Variants in RCOR1 observed in about 807,000 individuals in gnomAD.
RCOR1 encodes REST corepressor 1, also known as REST corepressor.
In RCOR1, 12 loss-of-function variants were observed where a neutral mutation model predicts 64.0. The observed-to-expected ratio is 0.19, with a 90% CI of 0.12 to 0.30. RCOR1 has a LOEUF of 0.30. RCOR1 is among the 10% of genes least tolerant of loss of function. The pLI, the probability that RCOR1 is intolerant of heterozygous loss-of-function variation, is 1.00. For synonymous variants in RCOR1, 279 were observed against 227.2 expected (o/e 1.23, Z -2.05); for missense variants, 502 against 621.2 (o/e 0.81, Z 2.04).
chr14:102,722,125 C>T, intron 10 of RCOR1, 62 bp from the exon 11 acceptor site: 1 of 1,238,974 alleles, frequency 8.1e-7, no homozygotes, highest in East Asian at 2.4e-5. Context: ...GTAAGTGTCA[C>T]TTGTGGTTTT....
At chr14:102,693,605 C>T (rs528990004) in intron 3 of RCOR1, among the ~76,000 whole-genome samples, 3 of 151,422 alleles carry the variant, frequency 2.0e-5, no homozygotes, top group African/African-American at 7.2e-5. Context: ...CCCTCTCATA[C>T]TCAGTCTCAC....
intron 9 of RCOR1, 108 bp downstream of exon 9, chr14:102,721,192 T>G: frequency 9.3e-7 from 1 of 1,073,800 alleles, no homozygotes; most frequent in Non-Finnish European, 1.4e-6. Flanking sequence ...GAAGAGTATA[T>G]GGACATAATT....
At chr14:102,686,570 G>A (rs1050739116) in intron 3 of RCOR1, among the ~76,000 whole-genome samples, 4 of 152,218 alleles carry the variant, frequency 2.6e-5, no homozygotes, top group African/African-American at 9.6e-5. Flanking sequence ...ACTGGTTTAA[G>A]AAACCTCTGT....
rs143291047 is a variant in RCOR1 at position 102,650,101 on chromosome 14, G to T, written c.362-31794G>T. 4.0e-5 allele frequency among the ~76,000 whole-genome samples: 6 copies of T among 151,888 alleles called. No homozygotes were observed. In the East Asian group the frequency reaches 1.2e-3, roughly 29 times the overall value. On this transcript the variant is annotated intron_variant, in intron 2 of 11. Transcript: ENST00000262241. ...TAGTCCCAGCTACTCAGGAGGCTGAGGCAGGAGAATGGTGTGAACCTGGGA... is the reference window on the plus strand; with the variant it reads ...TAGTCCCAGCTACTCAGGAGGCTGATGCAGGAGAATGGTGTGAACCTGGGA...
intron 2 of RCOR1, among the ~76,000 whole-genome samples, chr14:102,630,588 A>T (rs930136521): frequency 2.6e-5 from 4 of 152,136 alleles, no homozygotes; most frequent in Non-Finnish European, 5.9e-5. Context: ...CTCAGCTTTC[A>T]CCTTCCCAGA....
chr14:102,613,716 C>T (rs1461924028), intron 2 of RCOR1, among the ~76,000 whole-genome samples: 2 of 150,110 alleles, frequency 1.3e-5, no homozygotes, highest in African/African-American at 4.9e-5. Context: ...CACCGCGCCC[C>T]GCCATCCTTT....
At chr14:102,665,689 T>C (rs1042405499) in intron 2 of RCOR1, among the ~76,000 whole-genome samples, 2 of 152,172 alleles carry the variant, frequency 1.3e-5, no homozygotes, top group East Asian at 3.8e-4. Context: ...CACCATGGGA[T>C]TGAGTCCCAG....
chr14:102,602,389 CTTTTCTTTT>C (rs1422066751), intron 2 of RCOR1, among the ~76,000 whole-genome samples: 15 of 109,696 alleles, frequency 1.4e-4, no homozygotes, highest in South Asian at 3.1e-4. Flanking sequence ...CTTTTCTTTT[CTTTTCTTTT>C]TTTTTTTTTT....
In RCOR1 at chr14:102,730,231, A is replaced by G. The variant is rs1896345554; in HGVS notation, c.*3725A>G. On this transcript the variant is annotated 3_prime_UTR_variant, in exon 12 of 12. Transcript: ENST00000262241. ...TTTTAGACAGCTTAAAAAATTTTCA[A>G]GATTTTAAAAGATGTATAAGGTTAA... is the stretch of plus-strand genomic sequence containing the variant. 2.6e-6 allele frequency: 1 copy of G among 387,038 alleles called. No individual in the cohort carries two copies. Among genetic ancestry groups the G allele is most frequent in the South Asian group, 1.4e-4 (1 of 6,940 alleles). The allele number at this position is 387,038 out of a possible 1,614,324, so 24.0% of individuals were successfully genotyped here.
At position 102,729,109 on chromosome 14, in the gene RCOR1, T is replaced by C. The variant is rs1005183066; in HGVS notation, c.*2603T>C. ...TCAATGTGAATGTCATAATTATATA[T>C]ATTTTTGTGGAAAATTTTCTCCTAA... On this transcript the variant is annotated 3_prime_UTR_variant, in exon 12 of 12. Transcript: ENST00000262241. The C allele has an allele frequency of 7.9e-5, 12 of 152,652 alleles. No homozygotes were observed. Among genetic ancestry groups the C allele is most frequent in the African/African-American group, 2.7e-4 (11 of 41,450 alleles). The allele number at this position is 152,652 out of a possible 1,614,324, so 9.5% of individuals were successfully genotyped here.
At chr14:102,723,614 G>A (rs1456786674) in intron 11 of RCOR1, among the ~76,000 whole-genome samples, 1 of 152,136 alleles carries the variant, frequency 6.6e-6, no homozygotes, top group Non-Finnish European at 1.5e-5. Context: ...TTAAATGATG[G>A]TGTTTTTATC....
chr14:102,696,996 G>A (rs186826741), intron 3 of RCOR1, among the ~76,000 whole-genome samples: 1 of 152,116 alleles, frequency 6.6e-6, no homozygotes, highest in African/African-American at 2.4e-5. Flanking sequence ...AGGGTAGGTG[G>A]TGGGAAGGGA....
Position 102,644,238 on chromosome 14 carries a change from G to A in RCOR1, c.362-37657G>A, listed in dbSNP as rs190764954. Among the ~76,000 whole-genome samples, 110 of 152,318 alleles carry A rather than the reference G, an allele frequency of 7.2e-4. 3 individuals are homozygous for A. The East Asian group carries it at 0.019, about 26-fold the overall frequency. On this transcript the variant is annotated intron_variant, in intron 2 of 11. Coordinates refer to ENST00000262241, the MANE Select transcript of RCOR1 (RefSeq NM_015156.4). ...TTACAAGAAAGTGCAGGCTTCCAAA[G>A]CAAGTATCGCAAGAAAACTGACTAT...
chr14:102,688,057 C>G (rs534482215), intron 3 of RCOR1, among the ~76,000 whole-genome samples: 3 of 151,516 alleles, frequency 2.0e-5, no homozygotes, highest in African/African-American at 7.3e-5. Flanking sequence ...ACCTCTGCCT[C>G]CTGGGTTCAA....
At position 102,729,023 on chromosome 14, in the gene RCOR1, T is replaced by C. The variant is rs1896321169; in HGVS notation, c.*2517T>C. 1.3e-5 allele frequency: 2 copies of C among 152,622 alleles called. No homozygotes were observed. The highest frequency in any genetic ancestry group is 4.8e-5 in the African/African-American group (2 of 41,442). 9.5% of individuals were successfully genotyped at this position (152,622 alleles called of 1,614,324 possible). A position where few individuals can be genotyped will look rare whatever the true frequency, so the allele number is the denominator to read the frequency against. On this transcript the variant is annotated 3_prime_UTR_variant, in exon 12 of 12. Coordinates refer to ENST00000262241, the MANE Select transcript of RCOR1 (RefSeq NM_015156.4). ...AATTAGGTGCATTGGCAGGTAGGGT[T>C]TGGGGTGTGATAACTGCTTCAGATG...
chr14:102,652,091 A>T (rs576264233), intron 2 of RCOR1, among the ~76,000 whole-genome samples: 12 of 152,320 alleles, frequency 7.9e-5, no homozygotes, highest in African/African-American at 2.9e-4. Flanking sequence ...TGGATTTCTT[A>T]AAAGTGTCCT....
chr14:102,714,788 A>G (rs1896034457), intron 8 of RCOR1, among the ~76,000 whole-genome samples, 171 bp downstream of exon 8: 1 of 152,252 alleles, frequency 6.6e-6, no homozygotes, highest in Non-Finnish European at 1.5e-5. Context: ...TTTAATGAAC[A>G]TATAAATTGA....
chr14:102,635,734 G>T (rs1894222134), intron 2 of RCOR1, among the ~76,000 whole-genome samples: 1 of 151,868 alleles, frequency 6.6e-6, no homozygotes, highest in African/African-American at 2.4e-5. Flanking sequence ...TGCTTACTTG[G>T]TTTAACTTTT....
chr14:102,704,222 G>A (rs2139980752), intron 4 of RCOR1, among the ~76,000 whole-genome samples: 1 of 152,278 alleles, frequency 6.6e-6, no homozygotes, highest in South Asian at 2.1e-4. Context: ...CTCTTCTCTA[G>A]TCATGCCACT....
Sources: gnomAD v4.1 joint callset for allele counts (sites outside exome capture counted in the v4.1 genomes callset) on GRCh38, gnomAD v4.1.1 for gene constraint, MANE v1.5 for transcripts, NCBI Gene and HGNC (gene_info 2026-07-23, HGNC 2026-07-21) for gene names.